MYO3B: variants seen among roughly 807,000 people sequenced by gnomAD.
The protein encoded by MYO3B is myosin IIIB, also known as myosin-IIIb.
MYO3B carries 156 observed loss-of-function variants against 174.6 expected under a neutral mutation model. The observed-to-expected ratio is 0.89, with a 90% CI of 0.78 to 1.02. The LOEUF is 1.02. MYO3B is among the 50% of genes least tolerant of loss of function. The pLI is 0.00. For synonymous variants in MYO3B, 563 were observed against 569.1 expected (o/e 0.99, Z 0.15); for missense variants, 1,632 against 1,639.4 (o/e 1.00, Z 0.08).
intron 6 of MYO3B, among the ~76,000 whole-genome samples, chr2:170,220,076 G>A (rs1440489051): frequency 6.6e-6 from 1 of 152,000 alleles, no homozygotes; most frequent in African/African-American, 2.4e-5. Context: ...GGCTAACACA[G>A]TGAAACCCTG....
intron 8 of MYO3B, among the ~76,000 whole-genome samples, chr2:170,368,002 A>G (rs1299149041): frequency 6.6e-6 from 1 of 152,158 alleles, no homozygotes; most frequent in Non-Finnish European, 1.5e-5. Context: ...TAACTGGGAG[A>G]TTTACCGAAT....
chr2:170,620,285 T>C (rs959515575), intron 32 of MYO3B, among the ~76,000 whole-genome samples: 2 of 152,232 alleles, frequency 1.3e-5, no homozygotes, highest in East Asian at 1.9e-4. Context: ...CAGACTGTAC[T>C]TCCATGACAC....
intron 22 of MYO3B, among the ~76,000 whole-genome samples, chr2:170,419,731 C>T (rs546537867): frequency 1.3e-4 from 20 of 152,192 alleles, no homozygotes; most frequent in African/African-American, 4.8e-4. Flanking sequence ...AGCTCTGCCC[C>T]TCTCATCCCC....
Position 170,343,177 on chromosome 2 carries a change from C to T in MYO3B, c.815+7727C>T, listed in dbSNP as rs184945265. Among the ~76,000 whole-genome samples, 262 of 152,114 alleles carry T rather than the reference C, an allele frequency of 1.7e-3. 3 individuals carry two copies. Among genetic ancestry groups the T allele is most frequent in the African/African-American group, 5.7e-3 (236 of 41,486 alleles). On this transcript the variant is annotated intron_variant, in intron 8 of 34. Transcript: ENST00000408978. The stretch of plus-strand genomic sequence containing the variant: ...AGTCAAGCCAGATGTGGTAGGCTTA[C>T]GACTGTAATCCTAGCACTTTGAGGG...
At chr2:170,468,139 C>A (rs765932568) in intron 25 of MYO3B, among the ~76,000 whole-genome samples, 2 of 152,144 alleles carry the variant, frequency 1.3e-5, no homozygotes, top group African/African-American at 4.8e-5. Flanking sequence ...TCTGAGCCAG[C>A]AAGTTAATTG....
At chr2:170,533,275 C>CCATCCT (rs1459802054) in intron 30 of MYO3B, among the ~76,000 whole-genome samples, 1 of 152,126 alleles carries the variant, frequency 6.6e-6, no homozygotes, top group Non-Finnish European at 1.5e-5. Flanking sequence ...CTCTCACGCC[C>CCATCCT]CCTCCCTCAC....
intron 12 of MYO3B, among the ~76,000 whole-genome samples, chr2:170,384,700 C>T (rs1221523869): frequency 6.6e-6 from 1 of 152,164 alleles, no homozygotes; most frequent in African/African-American, 2.4e-5. Context: ...AAATATATAT[C>T]GTTTTTAAGT....
intron 32 of MYO3B, among the ~76,000 whole-genome samples, chr2:170,565,386 T>C (rs896719596): frequency 6.6e-6 from 1 of 152,212 alleles, no homozygotes; most frequent in Admixed American, 6.5e-5. Flanking sequence ...ATGTTCATTT[T>C]GGGTCATCAT....
intron 25 of MYO3B, among the ~76,000 whole-genome samples, chr2:170,493,498 G>T (rs778533092): frequency 2.0e-5 from 3 of 152,014 alleles, no homozygotes; most frequent in East Asian, 1.9e-4. Context: ...ATTAAGAGTG[G>T]TTTTTGTTAT....
At chr2:170,637,552 G>C (rs1483548223) in intron 32 of MYO3B, among the ~76,000 whole-genome samples, 1 of 152,166 alleles carries the variant, frequency 6.6e-6, no homozygotes, top group South Asian at 2.1e-4. Flanking sequence ...GTCCAGTGGA[G>C]AAATTCAGAT....
At chr2:170,622,510 T>A (rs745330045) in intron 32 of MYO3B, among the ~76,000 whole-genome samples, 2 of 152,218 alleles carry the variant, frequency 1.3e-5, no homozygotes, top group Non-Finnish European at 2.9e-5. Context: ...TGTTAACAGT[T>A]TCTTATGCCA....
intron 7 of MYO3B, among the ~76,000 whole-genome samples, chr2:170,290,844 A>C (rs2105417216): frequency 6.6e-6 from 1 of 151,326 alleles, no homozygotes; most frequent in East Asian, 1.9e-4. Flanking sequence ...TATTATAGGC[A>C]TTCATGCTGT....
At chr2:170,266,635 T>C (rs2093385808) in intron 7 of MYO3B, among the ~76,000 whole-genome samples, 1 of 152,364 alleles carries the variant, frequency 6.6e-6, no homozygotes, top group Middle Eastern at 3.4e-3. Flanking sequence ...TTCCAGGTTC[T>C]TATGTAAGTG....
chr2:170,430,512 C>T (rs1051688025), intron 22 of MYO3B, among the ~76,000 whole-genome samples: 5 of 151,920 alleles, frequency 3.3e-5, no homozygotes, highest in Admixed American at 2.0e-4. Flanking sequence ...ACTGGTATTA[C>T]AGGTGCGTGC....
chr2:170,374,975 A>G (rs1186990163), intron 9 of MYO3B, among the ~76,000 whole-genome samples: 1 of 152,184 alleles, frequency 6.6e-6, no homozygotes, highest in African/African-American at 2.4e-5. Context: ...ATTCAGGTAC[A>G]ATAGAGCAGT....
At chr2:170,589,576 A>C (rs1446425796) in intron 32 of MYO3B, among the ~76,000 whole-genome samples, 1 of 152,154 alleles carries the variant, frequency 6.6e-6, no homozygotes, top group Non-Finnish European at 1.5e-5. Context: ...AAAAAATTTT[A>C]AATAGAAAAA....
intron 7 of MYO3B, among the ~76,000 whole-genome samples, chr2:170,291,084 A>C (rs2093592566): frequency 6.6e-6 from 1 of 152,074 alleles, no homozygotes; most frequent in Non-Finnish European, 1.5e-5. Context: ...CCCCGTCTCT[A>C]CTAAAAATAC....
chr2:170,410,301 C>G (rs1165435052), intron 22 of MYO3B, among the ~76,000 whole-genome samples: 1 of 152,172 alleles, frequency 6.6e-6, no homozygotes, highest in Admixed American at 6.5e-5. Context: ...CGCGGTGGCT[C>G]ACGCCTGTAA....
chr2:170,570,532 C>T (rs1159497714), intron 32 of MYO3B, among the ~76,000 whole-genome samples: 1 of 152,184 alleles, frequency 6.6e-6, no homozygotes, highest in South Asian at 2.1e-4. Flanking sequence ...AGCCAAGATG[C>T]AACCCAGGCT....
Sources: allele counts gnomAD v4.1 joint callset (sites outside exome capture counted in the v4.1 genomes callset), GRCh38; gene constraint gnomAD v4.1.1; transcripts MANE v1.5; gene names NCBI Gene and HGNC (gene_info 2026-07-23, HGNC 2026-07-21).